Variants in SEM1 observed in about 807,000 individuals in gnomAD.
The protein encoded by SEM1 is SEM1 26S proteasome subunit.
In SEM1, 3 loss-of-function variants were observed where a neutral mutation model predicts 12.7. The observed-to-expected ratio is 0.24, with a 90% CI of 0.11 to 0.61. The LOEUF is 0.61. Among genes scored for constraint, SEM1 ranks in the 20% least tolerant of loss-of-function variants. SEM1 has a pLI of 0.88. For missense variants in SEM1, 59 were observed against 81.3 expected (o/e 0.73, Z 1.06); for synonymous variants, 30 against 27.8 (o/e 1.08, Z -0.25).
At chr7:96,584,678 T>C (rs1806546548) in intron 2 of SEM1, among the ~76,000 whole-genome samples, 1 of 150,934 alleles carries the variant, frequency 6.6e-6, no homozygotes, top group South Asian at 2.1e-4. Flanking sequence ...TTTTTATTCT[T>C]TTTTCTCTAA....
At chr7:96,657,937 G>A (rs1809233287) in intron 2 of SEM1, among the ~76,000 whole-genome samples, 1 of 152,186 alleles carries the variant, frequency 6.6e-6, no homozygotes. Flanking sequence ...GTCTGGGCAG[G>A]TCATGGACCG....
upstream of SEM1, among the ~76,000 whole-genome samples, chr7:96,499,911 C>T (rs1183761176): frequency 6.6e-6 from 1 of 152,074 alleles, no homozygotes; most frequent in Non-Finnish European, 1.5e-5. Flanking sequence ...AACAAAACCA[C>T]CATCAAATAT....
intron 1 of SEM1, among the ~76,000 whole-genome samples, chr7:96,495,663 A>G (rs10238953): frequency 0.14 from 21,282 of 152,090 alleles, 1,542 homozygotes; most frequent in Middle Eastern, 0.26. Context: ...AATTTCATGG[A>G]TGTTTTCCAG....
downstream of SEM1, among the ~76,000 whole-genome samples, chr7:96,617,763 A>T (rs571359853): frequency 6.6e-6 from 1 of 152,174 alleles, no homozygotes; most frequent in African/African-American, 2.4e-5. Flanking sequence ...GCCAGATTTT[A>T]TCAAATACTT....
intron 2 of SEM1, among the ~76,000 whole-genome samples, chr7:96,569,179 G>C (rs1169272282): frequency 1.3e-5 from 2 of 152,070 alleles, no homozygotes; most frequent in East Asian, 3.9e-4. Context: ...TGATATTAAG[G>C]TGGTGGTAGT....
At chr7:96,518,842 T>A (rs1026182857) in intron 2 of SEM1, among the ~76,000 whole-genome samples, 6 of 152,202 alleles carry the variant, frequency 3.9e-5, no homozygotes, top group African/African-American at 1.4e-4. Flanking sequence ...AAGCTAATAC[T>A]GTACATGCAA....
At chr7:96,649,351 CA>C (rs145128823) in intron 2 of SEM1, 1 of 151,582 alleles carries the variant, frequency 6.6e-6, no homozygotes, top group African/African-American at 2.4e-5. Flanking sequence ...AATTTTTCTC[CA>C]AAAAAATATT....
At position 96,588,020 on chromosome 7, in the gene SEM1, C is replaced by T. The variant is rs181486084; in HGVS notation, c.171-81322G>A. 5.0e-4 allele frequency among the ~76,000 whole-genome samples: 76 copies of T among 152,208 alleles called. 1 individual carries two copies. The highest frequency in any genetic ancestry group is 1.6e-3 in the African/African-American group (68 of 41,528). ...TATGTTATAGGCCCATTGTTCACCC[C>T]TTAGAGCACCTAAAAGGAGTAGTTT... On this transcript the variant is annotated intron_variant and NMD_transcript_variant, in intron 2 of 3. Coordinates refer to the SEM1 transcript ENST00000466986.
At chr7:96,588,585 GA>G (rs1383996179) in intron 2 of SEM1, among the ~76,000 whole-genome samples, 2 of 151,624 alleles carry the variant, frequency 1.3e-5, no homozygotes, top group Middle Eastern at 3.4e-3. Flanking sequence ...TAATAAGGAA[GA>G]AAAAAAGACA....
intron 2 of SEM1, among the ~76,000 whole-genome samples, chr7:96,642,261 C>A (rs1808638025): frequency 6.6e-6 from 1 of 151,964 alleles, no homozygotes; most frequent in Non-Finnish European, 1.5e-5. Context: ...GTTGAAGACA[C>A]CTGTTTTAAA....
chr7:96,645,820 A>G, intron 2 of SEM1: 1 of 398,408 alleles, frequency 2.5e-6, no homozygotes, highest in Non-Finnish European at 4.4e-6. Flanking sequence ...ACTAGGGGTG[A>G]TGCTTCTGTA....
At chr7:96,524,103 T>C (rs1804370369) in intron 2 of SEM1, among the ~76,000 whole-genome samples, 1 of 152,158 alleles carries the variant, frequency 6.6e-6, no homozygotes, top group Non-Finnish European at 1.5e-5. Context: ...TGCCATGCTC[T>C]GTCTCTGTCA....
intron 2 of SEM1, among the ~76,000 whole-genome samples, chr7:96,576,443 A>T (rs1806206010): frequency 6.6e-6 from 1 of 152,038 alleles, no homozygotes; most frequent in African/African-American, 2.4e-5. Flanking sequence ...AAACTTATGT[A>T]TTCTTTTGTC....
intron 2 of SEM1, among the ~76,000 whole-genome samples, chr7:96,507,247 A>G (rs772612820): frequency 6.6e-6 from 1 of 152,130 alleles, no homozygotes; most frequent in Non-Finnish European, 1.5e-5. Flanking sequence ...GTGTGTATGT[A>G]TATATCCATA....
intron 1 of SEM1, among the ~76,000 whole-genome samples, chr7:96,699,559 T>C (rs1180109939): frequency 6.6e-6 from 1 of 152,206 alleles, no homozygotes; most frequent in Admixed American, 6.5e-5. Flanking sequence ...CAACTACTAT[T>C]TCATAAGCAA....
chr7:96,541,336 G>C (rs1437396929), intron 2 of SEM1, among the ~76,000 whole-genome samples: 1 of 151,012 alleles, frequency 6.6e-6, no homozygotes, highest in East Asian at 2.0e-4. Flanking sequence ...TCCTCTGATG[G>C]TTAGTGATGC....
intron 2 of SEM1, among the ~76,000 whole-genome samples, chr7:96,534,905 TTC>T (rs1276708124): frequency 6.6e-6 from 1 of 152,024 alleles, no homozygotes; most frequent in Non-Finnish European, 1.5e-5. Flanking sequence ...TTTTTAACAT[TTC>T]TGTTTTAATT....
chr7:96,606,724 A>G (rs1230313578), intron 2 of SEM1, among the ~76,000 whole-genome samples: 1 of 152,014 alleles, frequency 6.6e-6, no homozygotes, highest in Non-Finnish European at 1.5e-5. Context: ...ACATTCAACA[A>G]CTCCTTCAGG....
intron 2 of SEM1, among the ~76,000 whole-genome samples, chr7:96,601,690 G>A (rs1807205483): frequency 1.3e-5 from 2 of 152,162 alleles, no homozygotes; most frequent in Non-Finnish European, 2.9e-5. Flanking sequence ...TGGGAACACT[G>A]CAAGGTATAT....
Sources: gnomAD v4.1 joint callset for allele counts (sites outside exome capture counted in the v4.1 genomes callset) on GRCh38, gnomAD v4.1.1 for gene constraint, MANE v1.5 for transcripts, NCBI Gene and HGNC (gene_info 2026-07-23, HGNC 2026-07-21) for gene names.